RBFOX1: variants seen among roughly 807,000 people sequenced by gnomAD.
RBFOX1 encodes the protein RNA binding protein fox-1 homolog 1.
A neutral mutation model predicts 57.7 loss-of-function variants in RBFOX1; 8 were observed. The ratio of observed to expected loss-of-function variants is 0.14; its 90% CI spans 0.08 to 0.25. The LOEUF (loss-of-function observed/expected upper bound fraction) is 0.25. Among genes scored for constraint, RBFOX1 ranks in the 10% least tolerant of loss-of-function variants. The pLI, the probability that RBFOX1 is intolerant of heterozygous loss-of-function variation, is 1.00. For synonymous variants in RBFOX1, 326 were observed against 222.4 expected, an observed-to-expected ratio of 1.47 and a Z score of -4.15; for missense variants, 611 against 548.5, an observed-to-expected ratio of 1.11 and a Z score of -1.14.
At chr16:5,795,353 G>A (rs1162421901) in intron 3 of RBFOX1, among the ~76,000 whole-genome samples, 1 of 151,722 alleles carries the variant, frequency 6.6e-6, no homozygotes, top group East Asian at 1.9e-4. Flanking sequence ...ACCCTGGCTG[G>A]AGTGCAGTGG....
intron 2 of RBFOX1, among the ~76,000 whole-genome samples, chr16:5,522,255 C>T (rs1228050431): frequency 6.6e-6 from 1 of 152,170 alleles, no homozygotes; most frequent in East Asian, 1.9e-4. Context: ...AGTCCATGTA[C>T]CTCTTTGAGT....
At chr16:5,666,874 C>T (rs2049861324) in intron 3 of RBFOX1, among the ~76,000 whole-genome samples, 1 of 152,186 alleles carries the variant, frequency 6.6e-6, no homozygotes, top group South Asian at 2.1e-4. Flanking sequence ...GATTTTACCA[C>T]TGCTCAGTTT....
At chr16:7,604,311 G>A (rs2095190729) in intron 9 of RBFOX1, among the ~76,000 whole-genome samples, 1 of 152,094 alleles carries the variant, frequency 6.6e-6, no homozygotes, top group African/African-American at 2.4e-5. Flanking sequence ...TGTTTAGAAG[G>A]GATCAAGGAT....
chr16:6,316,205 C>T (rs910458445), intron 1 of RBFOX1, among the ~76,000 whole-genome samples: 14 of 152,134 alleles, frequency 9.2e-5, no homozygotes, highest in Admixed American at 8.5e-4. Context: ...ATGCCGTAAA[C>T]ATCTTTCAGA....
At chr16:6,970,631 G>T (rs776574498) in intron 3 of RBFOX1, among the ~76,000 whole-genome samples, 7 of 152,108 alleles carry the variant, frequency 4.6e-5, no homozygotes, top group African/African-American at 2.4e-5. Context: ...TTTTGGAAGG[G>T]CACTAATCCC....
chr16:5,820,525 A>G (rs1260150693), intron 3 of RBFOX1, among the ~76,000 whole-genome samples: 1 of 152,090 alleles, frequency 6.6e-6, no homozygotes, highest in Non-Finnish European at 1.5e-5. Flanking sequence ...AACCCACCCC[A>G]GCTTCTTTTC....
At chr16:7,015,568 T>C (rs2093869960) in intron 3 of RBFOX1, among the ~76,000 whole-genome samples, 1 of 152,182 alleles carries the variant, frequency 6.6e-6, no homozygotes, top group African/African-American at 2.4e-5. Flanking sequence ...TAGAAGGTTG[T>C]TCACATTATT....
intron 4 of RBFOX1, among the ~76,000 whole-genome samples, chr16:5,896,504 C>T (rs549161241): frequency 6.6e-6 from 1 of 152,270 alleles, no homozygotes; most frequent in South Asian, 2.1e-4. Flanking sequence ...CTTTGCGTTC[C>T]AACATGAGTG....
At chr16:7,666,432 T>G (rs888586165) in intron 13 of RBFOX1, among the ~76,000 whole-genome samples, 1 of 152,228 alleles carries the variant, frequency 6.6e-6, no homozygotes, top group Admixed American at 6.5e-5. Flanking sequence ...TAAAAGTATT[T>G]CACAATCATT....
At chr16:6,810,510 C>A (rs1218086600) in intron 3 of RBFOX1, among the ~76,000 whole-genome samples, 1 of 152,090 alleles carries the variant, frequency 6.6e-6, no homozygotes, top group African/African-American at 2.4e-5. Flanking sequence ...CTGTGAATGT[C>A]CCCATATGCC....
rs1202942625 is a variant in RBFOX1 at position 7,710,975 on chromosome 16, CT to C, written c.*231del. 15 of 479,266 alleles carry C rather than the reference CT, an allele frequency of 3.1e-5. No homozygotes were observed. Among genetic ancestry groups the C allele is most frequent in the Admixed American group, 4.4e-5 (1 of 22,844 alleles). The allele number at this position is 479,266 out of a possible 1,614,324, so 29.7% of individuals were successfully genotyped here. A position where few individuals can be genotyped will look rare whatever the true frequency, so the allele number is the denominator to read the frequency against. On this transcript the variant is annotated 3_prime_UTR_variant, in exon 16 of 16. Coordinates refer to ENST00000550418, the MANE Select transcript of RBFOX1 (RefSeq NM_018723.4). ...GAAGGTTCCGTAGTTTGGTTGCTGG[CT>C]GTAGGAGTTTTTGTGGTTGATCTAG...
At chr16:6,488,424 C>T (rs3095262) in intron 2 of RBFOX1, among the ~76,000 whole-genome samples, 101,534 of 151,968 alleles carry the variant, frequency 0.67, 34,191 homozygotes, top group East Asian at 0.76. Context: ...GATTTCTTCC[C>T]GGGCACTTAC....
intron 4 of RBFOX1, among the ~76,000 whole-genome samples, chr16:7,228,188 T>C (rs1341221321): frequency 1.3e-5 from 2 of 152,106 alleles, no homozygotes; most frequent in African/African-American, 2.4e-5. Flanking sequence ...TTGGTCGTGG[T>C]TGTGTGCCAA....
chr16:7,277,198 T>A (rs1386767089), intron 4 of RBFOX1, among the ~76,000 whole-genome samples: 2 of 152,080 alleles, frequency 1.3e-5, no homozygotes, highest in Non-Finnish European at 2.9e-5. Flanking sequence ...TATTTAATGA[T>A]TTTTTTTCAC....
chr16:5,439,540 C>A lies in RBFOX1; in HGVS notation c.220-27676C>A, dbSNP rs137872337. Among the ~76,000 whole-genome samples the A allele has an allele frequency of 8.9e-3, 1,346 of 151,744 alleles. 24 individuals are homozygous for A. The highest frequency in any genetic ancestry group is 0.03 in the African/African-American group (1,244 of 41,346). On this transcript the variant is annotated intron_variant, in intron 1 of 2. Transcript: ENST00000585867. ...ATGATAGGTATCTCGTAGGTAGAAC[C>A]GGGGAGACTTGTTTGTGAACTGGGC...
chr16:5,852,117 A>C (rs569180320), intron 3 of RBFOX1, among the ~76,000 whole-genome samples: 5 of 152,330 alleles, frequency 3.3e-5, no homozygotes, highest in African/African-American at 1.2e-4. Context: ...AATGATCCTT[A>C]GTAAAAGTTA....
chr16:6,173,307 T>C (rs1042072545), intron 1 of RBFOX1, among the ~76,000 whole-genome samples: 3 of 152,128 alleles, frequency 2.0e-5, no homozygotes, highest in African/African-American at 7.2e-5. Flanking sequence ...ATATTTGCCA[T>C]AGGAATTAAC....
chr16:7,089,161 A>C (rs761013112), intron 4 of RBFOX1, among the ~76,000 whole-genome samples: 3 of 152,156 alleles, frequency 2.0e-5, no homozygotes, highest in Non-Finnish European at 4.4e-5. Context: ...ACAATTTAGT[A>C]CAATGAATTC....
intron 4 of RBFOX1, among the ~76,000 whole-genome samples, chr16:7,123,395 T>C (rs948677996): frequency 6.6e-6 from 1 of 152,114 alleles, no homozygotes; most frequent in Admixed American, 6.5e-5. Flanking sequence ...GACAGCGGCT[T>C]CCTCTCTTGC....
Sources: gnomAD v4.1 joint callset for allele counts (sites outside exome capture counted in the v4.1 genomes callset) on GRCh38, gnomAD v4.1.1 for gene constraint, MANE v1.5 for transcripts, NCBI Gene and HGNC (gene_info 2026-07-23, HGNC 2026-07-21) for gene names.